RARB: variants seen among roughly 807,000 people sequenced by gnomAD.
RARB encodes retinoic acid receptor beta.
A neutral mutation model predicts 51.9 loss-of-function variants in RARB; 17 were observed. The observed-to-expected ratio is 0.33, with a 90% confidence interval of 0.22 to 0.49. The LOEUF is 0.49. Ranked by LOEUF, RARB falls within the 20% of genes least tolerant of loss-of-function variation. The pLI, the probability that RARB is intolerant of heterozygous loss-of-function variation, is 0.99. For synonymous variants in RARB, 215 were observed against 195.4 expected (o/e 1.10, Z -0.84); for missense variants, 369 against 550.8 (o/e 0.67, Z 3.30).
chr3:25,581,894 A>T (rs1433070535), intron 5 of RARB, among the ~76,000 whole-genome samples: 1 of 152,088 alleles, frequency 6.6e-6, no homozygotes, highest in Non-Finnish European at 1.5e-5. Flanking sequence ...ACCTAGGAGA[A>T]GCAAATGTTG....
chr3:25,199,875 T>G (rs1701347073), intron 5 of RARB, among the ~76,000 whole-genome samples: 1 of 152,238 alleles, frequency 6.6e-6, no homozygotes, highest in African/African-American at 2.4e-5. Context: ...TTCCAAGTCT[T>G]TGCTATTGTG....
chr3:25,261,818 A>T (rs1245895022), intron 5 of RARB, among the ~76,000 whole-genome samples: 3 of 152,084 alleles, frequency 2.0e-5, no homozygotes, highest in African/African-American at 7.2e-5. Flanking sequence ...CCCAGCCATC[A>T]CTAATGCCTG....
chr3:25,118,409 G>A (rs1305478952), intron 3 of RARB, among the ~76,000 whole-genome samples: 1 of 152,134 alleles, frequency 6.6e-6, no homozygotes, highest in East Asian at 1.9e-4. Flanking sequence ...TTGTGTCTGT[G>A]TGATCCCTGA....
chr3:25,564,395 A>T (rs17016781), intron 3 of RARB, among the ~76,000 whole-genome samples: 2 of 152,114 alleles, frequency 1.3e-5, no homozygotes, highest in Non-Finnish European at 2.9e-5. Flanking sequence ...GCCGGGTTCT[A>T]TCAGGTGTAT....
At chr3:25,323,353 TA>T (rs1308473346) in intron 5 of RARB, among the ~76,000 whole-genome samples, 2 of 152,182 alleles carry the variant, frequency 1.3e-5, no homozygotes, top group Non-Finnish European at 2.9e-5. Flanking sequence ...TGGTCATTAT[TA>T]AAGAACAGCC....
At chr3:25,545,730 A>G (rs1307871498) in intron 3 of RARB, among the ~76,000 whole-genome samples, 1 of 152,184 alleles carries the variant, frequency 6.6e-6, no homozygotes, top group Non-Finnish European at 1.5e-5. Context: ...CTCCCTGCCC[A>G]GCACACAGCC....
intron 5 of RARB, among the ~76,000 whole-genome samples, chr3:25,204,695 G>C (rs965255863): frequency 6.6e-6 from 1 of 152,186 alleles, no homozygotes; most frequent in South Asian, 2.1e-4. Flanking sequence ...GTTCACTCCA[G>C]ACCCTGTTTG....
intron 5 of RARB, among the ~76,000 whole-genome samples, chr3:25,343,719 C>T (rs975537855): frequency 9.2e-5 from 14 of 151,886 alleles, no homozygotes; most frequent in Middle Eastern, 3.2e-3. Context: ...TCTTCAAGTC[C>T]GTATTTAACT....
chr3:25,107,113 C>T (rs1257059926), intron 3 of RARB, among the ~76,000 whole-genome samples: 1 of 152,154 alleles, frequency 6.6e-6, no homozygotes, highest in African/African-American at 2.4e-5. Context: ...GTTGACCAGG[C>T]TGGTCATGAA....
Position 25,450,609 on chromosome 3 carries a change from C to T in RARB, c.158-10584C>T, listed in dbSNP as rs1484257912. ...CAGTGTTTTTCAACCTCAGCACTAT[C>T]TATAATTGGGGCCAGATAATTCTTT... On this transcript the variant is annotated intron_variant, in intron 1 of 7. Coordinates refer to ENST00000330688, the MANE Select transcript of RARB (RefSeq NM_000965.5). 6.6e-5 allele frequency among the ~76,000 whole-genome samples: 10 copies of T among 152,138 alleles called. No homozygotes were observed. The South Asian group carries it at 8.3e-4, about 13-fold the overall frequency.
chr3:25,373,876 G>A (rs1045937160), intron 5 of RARB, among the ~76,000 whole-genome samples: 4 of 152,144 alleles, frequency 2.6e-5, no homozygotes, highest in African/African-American at 9.7e-5. Context: ...TGGCAGGAAA[G>A]GAATGAACCA....
At chr3:25,537,834 C>T (rs1230322262) in intron 3 of RARB, among the ~76,000 whole-genome samples, 1 of 152,168 alleles carries the variant, frequency 6.6e-6, no homozygotes, top group African/African-American at 2.4e-5. Context: ...CCTGTATCTC[C>T]TACCTCTTTT....
chr3:25,535,497 G>T (rs1553629603), intron 3 of RARB, among the ~76,000 whole-genome samples: 4 of 151,554 alleles, frequency 2.6e-5, no homozygotes, highest in Non-Finnish European at 5.9e-5. Context: ...TGCCATGGTG[G>T]TTTGCTGCAC....
intron 4 of RARB, among the ~76,000 whole-genome samples, chr3:25,578,897 C>T (rs766611498): frequency 6.6e-6 from 1 of 152,246 alleles, no homozygotes; most frequent in Non-Finnish European, 1.5e-5. Context: ...CACAGTACCT[C>T]TCCTGAGCTG....
At chr3:24,880,994 C>A (rs1445996628) in intron 2 of RARB, among the ~76,000 whole-genome samples, 1 of 152,130 alleles carries the variant, frequency 6.6e-6, no homozygotes, top group East Asian at 1.9e-4. Context: ...GAATGGTAAT[C>A]CCTGTGTGTC....
intron 3 of RARB, among the ~76,000 whole-genome samples, chr3:25,504,922 T>C (rs1396224622): frequency 6.6e-6 from 1 of 151,994 alleles, no homozygotes; most frequent in Admixed American, 6.6e-5. Context: ...CACGCCCGGC[T>C]AATTTTTGTA....
chr3:24,882,240 C>T (rs530149718), intron 2 of RARB, among the ~76,000 whole-genome samples: 1 of 152,092 alleles, frequency 6.6e-6, no homozygotes, highest in African/African-American at 2.4e-5. Context: ...TTAAACATAA[C>T]TGATTACAGT....
chr3:25,364,645 T>A (rs565824783), intron 5 of RARB, among the ~76,000 whole-genome samples: 11 of 152,222 alleles, frequency 7.2e-5, no homozygotes, highest in African/African-American at 2.7e-4. Flanking sequence ...AAGACTTGTT[T>A]GGGCTGTATC....
intron 3 of RARB, among the ~76,000 whole-genome samples, chr3:25,506,344 A>G (rs890762817): frequency 5.9e-5 from 9 of 151,876 alleles, no homozygotes; most frequent in African/African-American, 1.9e-4. Context: ...AGTAGCTCAC[A>G]CTTGCAATCC....
Sources: allele counts gnomAD v4.1 joint callset (sites outside exome capture counted in the v4.1 genomes callset), GRCh38; gene constraint gnomAD v4.1.1; transcripts MANE v1.5; gene names NCBI Gene and HGNC (gene_info 2026-07-23, HGNC 2026-07-21).